The following LNX1 variants were observed in gnomAD, a reference collection of about 807,000 sequenced individuals.
LNX1 encodes E3 ubiquitin-protein ligase LNX.
A neutral mutation model predicts 68.4 loss-of-function variants in LNX1; 54 were observed. The ratio of observed to expected loss-of-function variants is 0.79; its 90% CI spans 0.63 to 0.99. The LOEUF is 0.99. Among genes scored for constraint, LNX1 ranks in the 50% least tolerant of loss-of-function variants. The probability of loss-of-function intolerance (pLI) is 0.00; values close to 1 mark genes in which losing one functional copy is unlikely to be tolerated. For synonymous variants in LNX1, 336 were observed against 350.0 expected (o/e 0.96, Z 0.45); for missense variants, 906 against 926.4 (o/e 0.98, Z 0.29).
chr4:53,567,375 C>T (rs1199938645), intron 2 of LNX1, among the ~76,000 whole-genome samples: 2 of 149,598 alleles, frequency 1.3e-5, no homozygotes, highest in East Asian at 2.0e-4. Flanking sequence ...GGAAACTGAA[C>T]AACCTGCTCC....
chr4:53,593,217 CG>C (rs1386915842), upstream of LNX1: 1 of 152,056 alleles, frequency 6.6e-6, no homozygotes, highest in Non-Finnish European at 1.5e-5. Context: ...CCTCTTCACG[CG>C]GACAGGGTGT....
chr4:53,488,846 CA>C (rs1724498357), intron 6 of LNX1, among the ~76,000 whole-genome samples: 2 of 152,120 alleles, frequency 1.3e-5, no homozygotes, highest in African/African-American at 4.8e-5. Flanking sequence ...TCAAAGTCAT[CA>C]GTCATTCCGG....
chr4:53,543,165 T>C (rs1728876708), intron 2 of LNX1, among the ~76,000 whole-genome samples: 1 of 152,232 alleles, frequency 6.6e-6, no homozygotes, highest in Non-Finnish European at 1.5e-5. Flanking sequence ...CTGTCCTGTG[T>C]GCTACTGTTA....
intron 1 of LNX1, among the ~76,000 whole-genome samples, chr4:53,578,549 C>A (rs1731638141): frequency 6.6e-6 from 1 of 152,136 alleles, no homozygotes; most frequent in South Asian, 2.1e-4. Context: ...TGTCATTGAC[C>A]AACATGTCGT....
chr4:53,569,729 C>G (rs1440357736), intron 2 of LNX1, among the ~76,000 whole-genome samples: 2 of 147,534 alleles, frequency 1.4e-5, no homozygotes, highest in Admixed American at 1.4e-4. Flanking sequence ...AACAGGCAAC[C>G]TACAAAATGG....
chr4:53,630,243 T>C (rs115692427), intron 1 of LNX1, among the ~76,000 whole-genome samples: 2,278 of 152,280 alleles, frequency 0.015, 28 homozygotes, highest in African/African-American at 0.038. Flanking sequence ...TGGGTATTTA[T>C]ACAGTCGAGC....
chr4:53,570,734 A>G (rs1731096531), intron 2 of LNX1, among the ~76,000 whole-genome samples: 2 of 151,472 alleles, frequency 1.3e-5, no homozygotes, highest in Admixed American at 6.6e-5. Context: ...TTTCAAAAAA[A>G]AAGAATCTTT....
chr4:53,541,153 A>T (rs1175912871), intron 2 of LNX1, among the ~76,000 whole-genome samples: 1 of 151,748 alleles, frequency 6.6e-6, no homozygotes, highest in Non-Finnish European at 1.5e-5. Flanking sequence ...AAAAGAAAAA[A>T]AAAAAAGAAA....
At chr4:53,609,599 T>A (rs1489487224) in intron 2 of LNX1, among the ~76,000 whole-genome samples, 15 of 146,260 alleles carry the variant, frequency 1.0e-4, no homozygotes, top group Non-Finnish European at 4.5e-5. Flanking sequence ...AATTATATAT[T>A]ATATGTTATA....
intron 1 of LNX1, among the ~76,000 whole-genome samples, chr4:53,576,648 A>T (rs560786725): frequency 2.1e-3 from 318 of 152,010 alleles, no homozygotes; most frequent in African/African-American, 7.4e-3. Context: ...AAATTAAAAA[A>T]AAAAGAATCC....
At chr4:53,478,490 T>C (rs1372868886) in intron 8 of LNX1, 75 bp downstream of exon 8, 1 of 1,295,770 alleles carries the variant, frequency 7.7e-7, no homozygotes, top group South Asian at 1.5e-5. Flanking sequence ...ATTTTGAAAA[T>C]AGTCACCTAA....
intron 6 of LNX1, among the ~76,000 whole-genome samples, chr4:53,482,775 G>A (rs1028657477): frequency 1.1e-4 from 16 of 152,280 alleles, no homozygotes; most frequent in South Asian, 2.1e-4. Context: ...GGTGACAGGT[G>A]CACTAAAATC....
At chr4:53,464,886 ATCTC>A (rs1348769008) in intron 9 of LNX1, among the ~76,000 whole-genome samples, 1 of 152,180 alleles carries the variant, frequency 6.6e-6, no homozygotes, top group African/African-American at 2.4e-5. Flanking sequence ...AATTTAAATT[ATCTC>A]TCAGTGACAT....
chr4:53,629,648 C>A (rs1419714972), intron 1 of LNX1, among the ~76,000 whole-genome samples: 3 of 152,148 alleles, frequency 2.0e-5, no homozygotes, highest in Non-Finnish European at 4.4e-5. Context: ...AGGTAAGGGA[C>A]AGGCTCAGAC....
intron 2 of LNX1, among the ~76,000 whole-genome samples, chr4:53,526,635 C>T (rs564221996): frequency 1.5e-4 from 22 of 151,488 alleles, no homozygotes; most frequent in Admixed American, 4.6e-4. Flanking sequence ...CTAGTATCTG[C>T]TTGAAATTCT....
intron 2 of LNX1, among the ~76,000 whole-genome samples, chr4:53,529,810 T>C (rs1395822903): frequency 3.9e-5 from 6 of 152,174 alleles, no homozygotes; most frequent in Admixed American, 3.3e-4. Context: ...GCCTGGTTCC[T>C]AAATGCATGA....
intron 6 of LNX1, among the ~76,000 whole-genome samples, 192 bp downstream of exon 6, chr4:53,495,831 A>C (rs143011902): frequency 4.7e-4 from 72 of 152,348 alleles, no homozygotes; most frequent in Non-Finnish European, 8.7e-4. Flanking sequence ...GGCATGGGCC[A>C]CCACGCCCAG....
chr4:53,504,264 G>A (rs766160972), intron 4 of LNX1, among the ~76,000 whole-genome samples: 4 of 152,208 alleles, frequency 2.6e-5, no homozygotes, highest in Non-Finnish European at 5.9e-5. Flanking sequence ...CTGCTGCTTC[G>A]CTACAATCTG....
rs62323648 is a variant in LNX1, at chr4:53,562,041, G to A, written c.380+11582C>T. On this transcript the variant is annotated intron_variant, in intron 2 of 10. Coordinates refer to ENST00000263925, the MANE Select transcript of LNX1 (RefSeq NM_001126328.3). ...CCTTTAAAAGGTCATTTCCTTAGAG[G>A]CAGAAATCACAACTTATTTTTCTTT... is the stretch of plus-strand genomic sequence containing the variant. 3.9e-3 allele frequency among the ~76,000 whole-genome samples: 593 copies of A among 152,246 alleles called. 2 individuals are homozygous for A. The highest frequency in any genetic ancestry group is 6.3e-3 in the Admixed American group (97 of 15,294).
Sources: gnomAD v4.1 joint callset for allele counts (sites outside exome capture counted in the v4.1 genomes callset) on GRCh38, gnomAD v4.1.1 for gene constraint, MANE v1.5 for transcripts, NCBI Gene and HGNC (gene_info 2026-07-23, HGNC 2026-07-21) for gene names.